Variants in PCSK5 observed in about 807,000 individuals in gnomAD.
PCSK5 encodes the protein prohormone convertase 5.
PCSK5 carries 129 observed loss-of-function variants against 233.2 expected under a neutral mutation model. The ratio of observed to expected loss-of-function variants is 0.55; its 90% confidence interval spans 0.48 to 0.64. The LOEUF (loss-of-function observed/expected upper bound fraction) is 0.64. PCSK5 is among the 30% of genes least tolerant of loss of function. The pLI is 0.00. For missense variants in PCSK5, 2,076 were observed against 2,430.1 expected, an observed-to-expected ratio of 0.85 and a Z score of 3.06; for synonymous variants, 825 against 879.2, an observed-to-expected ratio of 0.94 and a Z score of 1.09.
chr9:76,156,417 T>C (rs1432118326), intron 10 of PCSK5, among the ~76,000 whole-genome samples: 2 of 152,240 alleles, frequency 1.3e-5, no homozygotes, highest in African/African-American at 2.4e-5. Context: ...ATAAATTTTG[T>C]ATATGCTAGA....
At chr9:76,057,832 C>CTTTT (rs36017305) in intron 5 of PCSK5, among the ~76,000 whole-genome samples, 37 of 67,072 alleles carry the variant, frequency 5.5e-4, no homozygotes, top group African/African-American at 1.5e-3. Flanking sequence ...TATTCAGGGG[C>CTTTT]TTTTTTTTTT....
intron 24 of PCSK5, among the ~76,000 whole-genome samples, chr9:76,242,940 G>A (rs1344465013): frequency 6.6e-6 from 1 of 152,186 alleles, no homozygotes; most frequent in Non-Finnish European, 1.5e-5. Context: ...CACCTTGACA[G>A]GAATGTATGA....
intron 20 of PCSK5, among the ~76,000 whole-genome samples, chr9:76,197,931 G>T (rs1479001311): frequency 6.6e-6 from 1 of 152,222 alleles, no homozygotes; most frequent in Non-Finnish European, 1.5e-5. Context: ...ATTTAGCAGG[G>T]CATAGCCAAG....
intron 24 of PCSK5, among the ~76,000 whole-genome samples, chr9:76,259,438 C>G (rs1003459053): frequency 7.0e-6 from 1 of 143,504 alleles, no homozygotes; most frequent in Non-Finnish European, 1.5e-5. Flanking sequence ...TTCAGCCTCC[C>G]TCCCTCTCTG....
chr9:76,049,112 A>G (rs1336576301), intron 5 of PCSK5, among the ~76,000 whole-genome samples: 5 of 151,982 alleles, frequency 3.3e-5, no homozygotes, highest in Admixed American at 3.3e-4. Flanking sequence ...AAAAAAAAAT[A>G]AAGAAGAAAG....
intron 7 of PCSK5, among the ~76,000 whole-genome samples, chr9:76,091,340 C>A (rs1358701475): frequency 6.6e-6 from 1 of 151,834 alleles, no homozygotes; most frequent in Non-Finnish European, 1.5e-5. Context: ...AGAAAGCGAG[C>A]GAGCTAGAGA....
intron 10 of PCSK5, among the ~76,000 whole-genome samples, chr9:76,145,813 A>G (rs898165036): frequency 6.6e-6 from 1 of 152,208 alleles, no homozygotes; most frequent in African/African-American, 2.4e-5. Context: ...GGCTTAGCCT[A>G]TCCTATTTTG....
chr9:76,291,984 C>A (rs1828291282), intron 24 of PCSK5, among the ~76,000 whole-genome samples: 1 of 152,170 alleles, frequency 6.6e-6, no homozygotes, highest in African/African-American at 2.4e-5. Flanking sequence ...GTAGCTTGAA[C>A]CTATTCCTCC....
intron 26 of PCSK5, among the ~76,000 whole-genome samples, chr9:76,295,665 T>C (rs1828415408): frequency 6.6e-6 from 1 of 152,160 alleles, no homozygotes; most frequent in African/African-American, 2.4e-5. Flanking sequence ...CAAGGCTGAA[T>C]TGGATGGAGA....
intron 2 of PCSK5, among the ~76,000 whole-genome samples, chr9:75,973,840 G>T (rs1342867076): frequency 6.6e-6 from 1 of 152,180 alleles, no homozygotes; most frequent in African/African-American, 2.4e-5. Flanking sequence ...TGCCAGGGTG[G>T]AACCCTTTTG....
At chr9:76,014,670 G>A (rs1036495914) in intron 3 of PCSK5, among the ~76,000 whole-genome samples, 2 of 152,092 alleles carry the variant, frequency 1.3e-5, no homozygotes, top group East Asian at 1.9e-4. Context: ...CTATGTTACC[G>A]CCCTTCTGAC....
chr9:76,214,172 G>A (rs546819127), intron 20 of PCSK5, among the ~76,000 whole-genome samples: 5 of 152,262 alleles, frequency 3.3e-5, no homozygotes, highest in African/African-American at 9.6e-5. Flanking sequence ...ACAAAGGGTA[G>A]AAAGTGAGCC....
chr9:76,159,140 T>C lies in PCSK5; in HGVS notation c.1588T>C (p.Ser530Pro), dbSNP rs1407902181. ...CCTGGCCATCTACCTGACCTCGCCC[T>C]CTGGAACTAGGTCTCAGCTTTTGGC... ...GDLAIYLTSPSGTRSQLLANR... is the reference protein window; with the variant it reads ...GDLAIYLTSPPGTRSQLLANR... Residue 530 changes from serine (S) to proline (P), a missense_variant, in exon 12 of 38, where the codon TCT becomes CCT. Transcript: ENST00000674117. 1 of 1,613,980 alleles carries C rather than the reference T, an allele frequency of 6.2e-7. No homozygotes were observed. The highest frequency in any genetic ancestry group is 8.5e-7 in the Non-Finnish European group (1 of 1,180,006).
At chr9:75,955,861 C>T (rs1036094824) in intron 2 of PCSK5, among the ~76,000 whole-genome samples, 6 of 152,258 alleles carry the variant, frequency 3.9e-5, no homozygotes, top group African/African-American at 1.2e-4. Flanking sequence ...TACCCTCCAA[C>T]GTGCTATCAC....
rs148454065 is a variant in PCSK5 at position 76,307,916 on chromosome 9, G to A, written c.3605-729G>A. Among the ~76,000 whole-genome samples, 1,324 of 152,172 alleles carry A rather than the reference G, an allele frequency of 8.7e-3. 17 individuals are homozygous for A. Among genetic ancestry groups the A allele is most frequent in the African/African-American group, 0.026 (1,081 of 41,508 alleles). ...TTGGAGTGAAGAGAAATGGTCATCC[G>A]GCCGGGCGCGGTGGCTCACACCTGT... On this transcript the variant is annotated intron_variant, in intron 28 of 37. Transcript: ENST00000674117.
intron 5 of PCSK5, among the ~76,000 whole-genome samples, chr9:76,051,964 A>G (rs918806646): frequency 6.6e-6 from 1 of 152,222 alleles, no homozygotes; most frequent in African/African-American, 2.4e-5. Flanking sequence ...GAAAATCATC[A>G]TGGCATAACT....
intron 17 of PCSK5, among the ~76,000 whole-genome samples, chr9:76,185,174 C>A (rs537073949): frequency 1.6e-4 from 25 of 152,184 alleles, no homozygotes; most frequent in African/African-American, 5.8e-4. Context: ...CTCCACATAG[C>A]CAATCATTCT....
chr9:76,118,805 TA>T (rs1832527697), intron 9 of PCSK5, among the ~76,000 whole-genome samples: 1 of 152,082 alleles, frequency 6.6e-6, no homozygotes, highest in African/African-American at 2.4e-5. Context: ...CAGCCAACTT[TA>T]AGCATGTTTT....
chr9:76,079,611 A>G (rs1482907543), intron 7 of PCSK5, among the ~76,000 whole-genome samples: 1 of 152,208 alleles, frequency 6.6e-6, no homozygotes, highest in Non-Finnish European at 1.5e-5. Flanking sequence ...ATCATCAGCA[A>G]GGAGAAATAG....
Sources: allele counts gnomAD v4.1 joint callset (sites outside exome capture counted in the v4.1 genomes callset), GRCh38; gene constraint gnomAD v4.1.1; transcripts MANE v1.5; gene names NCBI Gene and HGNC (gene_info 2026-07-23, HGNC 2026-07-21).